The following ILRUN variants were observed in gnomAD, a reference collection of about 807,000 sequenced individuals.
ILRUN encodes the protein protein ILRUN.
In ILRUN, 3 loss-of-function variants were observed where a neutral mutation model predicts 33.8. The observed-to-expected ratio is 0.09, with a 90% CI of 0.04 to 0.23. The LOEUF is 0.23. Ranked by LOEUF, ILRUN falls within the 10% of genes least tolerant of loss-of-function variation. ILRUN has a pLI of 1.00. For synonymous variants in ILRUN, 124 were observed against 138.9 expected (o/e 0.89, Z 0.75); for missense variants, 210 against 375.1 (o/e 0.56, Z 3.64).
At chr6:34,682,312 C>T (rs1231248781) in intron 1 of ILRUN, among the ~76,000 whole-genome samples, 5 of 137,600 alleles carry the variant, frequency 3.6e-5, no homozygotes, top group South Asian at 2.4e-4. Flanking sequence ...GGCTGGAGTG[C>T]GGTGGCGCGA....
In ILRUN at chr6:34,646,908, T is replaced by C. The variant is rs1011646541; in HGVS notation, c.314-110A>G. On this transcript the variant is annotated intron_variant, in intron 2 of 4. Coordinates refer to ENST00000374023, the MANE Select transcript of ILRUN (RefSeq NM_024294.4). The surrounding 1 kb of genome is among the most constrained non-coding windows in gnomAD (Gnocchi z 4.9). ...TCTTTCTTTTTCTCACATACATACATAAACCTAACCACATATACCTAAGCC... is the reference window on the plus strand; with the variant it reads ...TCTTTCTTTTTCTCACATACATACACAAACCTAACCACATATACCTAAGCC... 5.4e-6 allele frequency: 5 copies of C among 931,662 alleles called. No individual in the cohort carries two copies. The African/African-American group carries it at 6.5e-5, about 12-fold the overall frequency. The allele number at this position is 931,662 out of a possible 1,614,324, so 57.7% of individuals were successfully genotyped here. A position where few individuals can be genotyped will look rare whatever the true frequency, so the allele number is the denominator to read the frequency against.
rs898914230 is a variant in ILRUN, at chr6:34,592,889, C to G, written c.862-2289G>C. On this transcript the variant is annotated intron_variant, in intron 4 of 4. Transcript: ENST00000374023. The surrounding 1 kb of genome is among the most constrained non-coding windows in gnomAD (Gnocchi z 4.0). ...AAAAAAATGCACAGCAAAAAGAAAACCTTGCTAGGTACGGTCGCTTATGTC... is the reference window on the plus strand; with the variant it reads ...AAAAAAATGCACAGCAAAAAGAAAAGCTTGCTAGGTACGGTCGCTTATGTC... Among the ~76,000 whole-genome samples, 3 of 152,130 alleles carry G rather than the reference C, an allele frequency of 2.0e-5. No homozygotes were observed. Among genetic ancestry groups the G allele is most frequent in the Admixed American group, 6.5e-5 (1 of 15,280 alleles).
intron 1 of ILRUN, among the ~76,000 whole-genome samples, chr6:34,659,779 G>A (rs1389271603): frequency 4.0e-5 from 6 of 151,538 alleles, no homozygotes; most frequent in Non-Finnish European, 5.9e-5. Context: ...GTGCCACCAC[G>A]CTCGGCTAAT....
chr6:34,646,232 T>A lies in ILRUN; in HGVS notation c.511+369A>T, dbSNP rs1051059200. Among the ~76,000 whole-genome samples the A allele has an allele frequency of 6.6e-6, 1 of 152,224 alleles. No individual in the cohort carries two copies. Among genetic ancestry groups the A allele is most frequent in the South Asian group, 2.1e-4 (1 of 4,830 alleles). ...AGTTTGACAAGTAGGTTGGAAGAAG[T>A]ATGCACATTTTGTGCATTATCTGTT... On this transcript the variant is annotated intron_variant, in intron 3 of 4. Coordinates refer to ENST00000374023, the MANE Select transcript of ILRUN (RefSeq NM_024294.4). This position sits in a 1 kb window ranked among gnomAD's most constrained non-coding sequence, Gnocchi z 4.9.
intron 1 of ILRUN, among the ~76,000 whole-genome samples, chr6:34,667,265 T>A (rs1348833472): frequency 2.0e-5 from 3 of 152,204 alleles, no homozygotes; most frequent in Admixed American, 2.0e-4. Context: ...TACCCCCTTT[T>A]TTGGATCCTG....
At chr6:34,659,331 T>A (rs566807590) in intron 1 of ILRUN, among the ~76,000 whole-genome samples, 92 of 152,336 alleles carry the variant, frequency 6.0e-4, no homozygotes, top group Middle Eastern at 3.4e-3. Context: ...CCAACCTTCA[T>A]TTTATAGATG....
intron 1 of ILRUN, among the ~76,000 whole-genome samples, chr6:34,689,001 G>T (rs901782195): frequency 1.3e-5 from 2 of 151,356 alleles, no homozygotes; most frequent in Non-Finnish European, 2.9e-5. Flanking sequence ...TACATACATA[G>T]AGACAGAACT....
At chr6:34,591,868 G>A (rs1272162865) in intron 4 of ILRUN, among the ~76,000 whole-genome samples, 1 of 152,194 alleles carries the variant, frequency 6.6e-6, no homozygotes, top group Non-Finnish European at 1.5e-5. Flanking sequence ...ATGGACTGCA[G>A]TATTCCTTCT....
At chr6:34,632,693 T>C (rs933516028) in intron 3 of ILRUN, among the ~76,000 whole-genome samples, 141 of 151,670 alleles carry the variant, frequency 9.3e-4, no homozygotes, top group African/African-American at 3.2e-3. Context: ...TTTTTTTTTT[T>C]TTTGTATTTT....
chr6:34,641,105 T>C (rs916856954), intron 3 of ILRUN, among the ~76,000 whole-genome samples: 2 of 144,836 alleles, frequency 1.4e-5, no homozygotes, highest in African/African-American at 5.1e-5. Flanking sequence ...AAACAAATTA[T>C]AGAAACAACC....
intron 1 of ILRUN, among the ~76,000 whole-genome samples, chr6:34,694,606 T>C (rs991995063): frequency 6.6e-6 from 1 of 152,196 alleles, no homozygotes; most frequent in Non-Finnish European, 1.5e-5. Context: ...ACGTAACAGA[T>C]ACAAATGGAG....
chr6:34,624,318 A>G (rs1308703403), intron 3 of ILRUN, among the ~76,000 whole-genome samples: 1 of 151,596 alleles, frequency 6.6e-6, no homozygotes, highest in Non-Finnish European at 1.5e-5. Context: ...TACCTAATTT[A>G]TTTTTTTATT....
At chr6:34,606,164 TA>T in intron 4 of ILRUN, among the ~76,000 whole-genome samples, 1 of 152,252 alleles carries the variant, frequency 6.6e-6, no homozygotes, top group Non-Finnish European at 1.5e-5. Context: ...CGATGGGCCA[TA>T]AGGACTGAAA....
At chr6:34,610,774 T>C (rs868178366) in intron 3 of ILRUN, among the ~76,000 whole-genome samples, 3 of 152,240 alleles carry the variant, frequency 2.0e-5, no homozygotes, top group South Asian at 2.1e-4. Context: ...CATGATAGAT[T>C]TGGCACACAG....
chr6:34,686,301 C>A (rs1031771903), intron 1 of ILRUN, among the ~76,000 whole-genome samples: 3 of 151,692 alleles, frequency 2.0e-5, no homozygotes, highest in Non-Finnish European at 4.4e-5. Context: ...GAGATCGAGA[C>A]CATCCTGGCT....
chr6:34,657,121 C>T (rs1250063506), intron 1 of ILRUN, among the ~76,000 whole-genome samples: 2 of 152,188 alleles, frequency 1.3e-5, no homozygotes, highest in South Asian at 2.1e-4. Context: ...AAAAATAAGC[C>T]TAGTTTGCAA....
intron 1 of ILRUN, among the ~76,000 whole-genome samples, chr6:34,660,023 G>A (rs773452015): frequency 2.6e-5 from 4 of 152,068 alleles, no homozygotes; most frequent in Non-Finnish European, 5.9e-5. Context: ...AACCAGGCCA[G>A]GTGTGGTGGC....
Position 34,696,687 on chromosome 6 carries a change from C to T in ILRUN, c.-84G>A. The T allele has an allele frequency of 6.8e-7, 1 of 1,480,628 alleles. No individual in the cohort carries two copies. 91.7% of individuals were successfully genotyped at this position (1,480,628 alleles called of 1,614,324 possible). On this transcript the variant is annotated 5_prime_UTR_variant, in exon 1 of 5. Coordinates refer to ENST00000374023, the MANE Select transcript of ILRUN (RefSeq NM_024294.4). ...CGGGCCCGGGGACCTGGAGGGGGGCCGCTGCTAGCTAGCTTCGCGACCCCG... is the reference window on the plus strand; with the variant it reads ...CGGGCCCGGGGACCTGGAGGGGGGCTGCTGCTAGCTAGCTTCGCGACCCCG...
intron 4 of ILRUN, among the ~76,000 whole-genome samples, chr6:34,593,048 G>A (rs527905739): frequency 1.2e-4 from 19 of 152,020 alleles, no homozygotes; most frequent in Middle Eastern, 3.4e-3. Context: ...ACATGGCGAC[G>A]CATGGCTGTA....
Sources: allele counts gnomAD v4.1 joint callset (sites outside exome capture counted in the v4.1 genomes callset), GRCh38; gene constraint gnomAD v4.1.1; non-coding constraint Gnocchi (gnomAD v3.1); transcripts MANE v1.5; gene names NCBI Gene and HGNC (gene_info 2026-07-23, HGNC 2026-07-21).